The following PMPCB variants were observed in gnomAD, a reference collection of about 807,000 sequenced individuals.
The protein encoded by PMPCB is mitochondrial-processing peptidase subunit beta.
In PMPCB, 46 loss-of-function variants were observed where a neutral mutation model predicts 61.5. The ratio of observed to expected loss-of-function variants is 0.75; its 90% confidence interval spans 0.59 to 0.96. The LOEUF is 0.96. Ranked by LOEUF, PMPCB falls within the 40% of genes least tolerant of loss-of-function variation. The probability of loss-of-function intolerance (pLI) is 0.00; values close to 1 mark genes in which losing one functional copy is unlikely to be tolerated. For missense variants in PMPCB, 590 were observed against 602.4 expected (o/e 0.98, Z 0.22); for synonymous variants, 191 against 201.6 (o/e 0.95, Z 0.44).
chr7:103,316,643 C>T (rs941445987), downstream of PMPCB: 533 of 598,892 alleles, frequency 8.9e-4, 1 homozygote, highest in Non-Finnish European at 1.2e-3. Flanking sequence ...TGTATATGTG[C>T]ATGTGTACTG....
At chr7:103,321,891 C>G in intron 12 of PMPCB, 1 of 1,558,780 alleles carries the variant, frequency 6.4e-7, no homozygotes, top group Admixed American at 1.9e-5. Context: ...TAATAAGCAA[C>G]TTGATTTACT....
At chr7:103,321,814 C>G in intron 12 of PMPCB, 1 of 1,219,354 alleles carries the variant, frequency 8.2e-7, no homozygotes, top group South Asian at 1.7e-5. Context: ...CGCCACTGCA[C>G]TCCAGCCTGG....
chr7:103,316,811 G>A (rs1350418784), downstream of PMPCB: 1 of 1,605,378 alleles, frequency 6.2e-7, no homozygotes, highest in Non-Finnish European at 8.5e-7. Context: ...TTGAAGAAAA[G>A]TTTCATTAAA....
intron 4 of PMPCB, among the ~76,000 whole-genome samples, chr7:103,302,098 G>A (rs1229936586): frequency 2.6e-5 from 4 of 152,136 alleles, no homozygotes; most frequent in African/African-American, 4.8e-5. Context: ...ATGGTTTCCA[G>A]CTTCATCCAT....
At chr7:103,331,542 C>T (rs982843868), downstream of PMPCB, among the ~76,000 whole-genome samples, 1 of 152,176 alleles carries the variant, frequency 6.6e-6, no homozygotes, top group Non-Finnish European at 1.5e-5. Context: ...TGGTATCTAT[C>T]ATTCTATCTA....
intron 12 of PMPCB, among the ~76,000 whole-genome samples, chr7:103,326,128 A>T (rs567963654): frequency 3.3e-5 from 5 of 151,636 alleles, no homozygotes; most frequent in African/African-American, 1.2e-4. Flanking sequence ...ACAGGCATGC[A>T]CCTCCACGGC....
At chr7:103,309,827 A>T (rs1213154752) in intron 8 of PMPCB, among the ~76,000 whole-genome samples, 2 of 152,244 alleles carry the variant, frequency 1.3e-5, no homozygotes, top group Non-Finnish European at 2.9e-5. Context: ...AAACATGGTA[A>T]AATAACAGGG....
chr7:103,323,610 T>A (rs1818541481), intron 12 of PMPCB: 14 of 1,468,074 alleles, frequency 9.5e-6, no homozygotes, highest in Non-Finnish European at 1.3e-5. Context: ...TTCTGCTTTT[T>A]CTTTTTCTTC....
intron 12 of PMPCB, among the ~76,000 whole-genome samples, chr7:103,322,311 T>C (rs147653871): frequency 1.3e-5 from 2 of 152,182 alleles, no homozygotes; most frequent in South Asian, 2.1e-4. Flanking sequence ...AAGGAACTTA[T>C]GACACAATTT....
In PMPCB at chr7:103,314,083, A is replaced by G. The variant is rs182208855; in HGVS notation, c.*1812A>G. On this transcript the variant is annotated 3_prime_UTR_variant, in exon 13 of 13. Coordinates refer to ENST00000249269, the MANE Select transcript of PMPCB (RefSeq NM_004279.3). ...ATTCAAAACAAAGCAGAGAATTTGTATAATATTTGATGGTACCTAAGGTGC... is the reference window on the plus strand; with the variant it reads ...ATTCAAAACAAAGCAGAGAATTTGTGTAATATTTGATGGTACCTAAGGTGC... 7 of 985,412 alleles carry G rather than the reference A, an allele frequency of 7.1e-6. No homozygotes were observed. The highest frequency in any genetic ancestry group is 1.7e-5 in the African/African-American group (1 of 57,360). 61.0% of individuals were successfully genotyped at this position (985,412 alleles called of 1,614,324 possible). A position where few individuals can be genotyped will look rare whatever the true frequency, so the allele number is the denominator to read the frequency against.
At chr7:103,326,944 A>G (rs1184023227) in intron 12 of PMPCB, among the ~76,000 whole-genome samples, 1 of 152,104 alleles carries the variant, frequency 6.6e-6, no homozygotes, top group Non-Finnish European at 1.5e-5. Context: ...AGAAAAGATG[A>G]CTCTGGGGAA....
At chr7:103,321,596 C>T (rs562539416) in intron 12 of PMPCB, among the ~76,000 whole-genome samples, 1 of 151,806 alleles carries the variant, frequency 6.6e-6, no homozygotes, top group African/African-American at 2.4e-5. Context: ...GCCTGTAGTC[C>T]CAGCACTTTG....
At chr7:103,333,558 A>C (rs1245624999), downstream of PMPCB, among the ~76,000 whole-genome samples, 1 of 152,256 alleles carries the variant, frequency 6.6e-6, no homozygotes, top group African/African-American at 2.4e-5. Context: ...CATTAAGTTC[A>C]GTGAGTTCTG....
chr7:103,312,025 C>T, intron 11 of PMPCB, 31 bp from the exon 12 acceptor site: 1 of 1,601,230 alleles, frequency 6.2e-7, no homozygotes, highest in Non-Finnish European at 8.5e-7. Flanking sequence ...TTACTACAAA[C>T]AGCTGAATGA....
At chr7:103,326,578 G>A (rs748270951) in intron 12 of PMPCB, 4 of 1,613,780 alleles carry the variant, frequency 2.5e-6, no homozygotes, top group Admixed American at 3.3e-5. Flanking sequence ...TAAACACTTC[G>A]AAGAAATTAT....
intron 12 of PMPCB, among the ~76,000 whole-genome samples, chr7:103,323,212 G>A (rs1378262816): frequency 1.3e-5 from 2 of 152,154 alleles, no homozygotes; most frequent in African/African-American, 4.8e-5. Context: ...TTACAGGAAT[G>A]AGCCAGCACG....
At chr7:103,344,179 C>G in the PMPCB span, 1 of 232,304 alleles carries the variant, frequency 4.3e-6, no homozygotes, top group Admixed American at 5.5e-5. Flanking sequence ...GCGCCAGTAG[C>G]AAAGCTTTGT....
At chr7:103,331,210 G>A (rs1394299118), downstream of PMPCB, among the ~76,000 whole-genome samples, 1 of 151,944 alleles carries the variant, frequency 6.6e-6, no homozygotes, top group South Asian at 2.1e-4. Flanking sequence ...CGCCTGCCTC[G>A]GCCTCCCAAA....
downstream of PMPCB, chr7:103,316,116 G>T (rs768480163): frequency 4.4e-6 from 6 of 1,371,986 alleles, no homozygotes; most frequent in Non-Finnish European, 6.0e-6. Flanking sequence ...ACAATAATAT[G>T]AATAGTAGTA....
Sources: allele counts gnomAD v4.1 joint callset (sites outside exome capture counted in the v4.1 genomes callset), GRCh38; gene constraint gnomAD v4.1.1; transcripts MANE v1.5; gene names NCBI Gene and HGNC (gene_info 2026-07-23, HGNC 2026-07-21).